CD70: variants seen among roughly 807,000 people sequenced by gnomAD.
The protein encoded by CD70 is CD70 molecule.
Under a neutral mutation model 9.0 loss-of-function variants are expected in CD70, and 6 were observed. The ratio of observed to expected loss-of-function variants is 0.67; its 90% CI spans 0.37 to 1.32. CD70 has a LOEUF of 1.32. Ranked by LOEUF, CD70 falls within the 40% of genes most tolerant of loss-of-function variation. The pLI is 0.02. For missense variants in CD70, 235 were observed against 258.7 expected (o/e 0.91, Z 0.63); for synonymous variants, 108 against 112.3 (o/e 0.96, Z 0.24).
intron 2 of CD70, among the ~76,000 whole-genome samples, chr19:6,587,487 TGAGA>T (rs988464730): frequency 3.3e-5 from 5 of 149,612 alleles, no homozygotes; most frequent in Non-Finnish European, 5.9e-5. Context: ...AGAGAGTGCC[TGAGA>T]GAGTGAGACA....
chr19:6,589,415 A>G (rs171093), intron 2 of CD70, among the ~76,000 whole-genome samples: 21,686 of 146,438 alleles, frequency 0.15, 1,552 homozygotes, highest in Middle Eastern at 0.17. Context: ...TATTTGACAG[A>G]ATCTCCCTCT....
At chr19:6,583,046 T>C (rs1915949030), downstream of CD70, 1 of 320,138 alleles carries the variant, frequency 3.1e-6, no homozygotes. Flanking sequence ...AGGGCTAGAT[T>C]TGTGAGGGCG....
downstream of CD70, among the ~76,000 whole-genome samples, chr19:6,585,254 G>A (rs1915991281): frequency 6.6e-6 from 1 of 151,974 alleles, no homozygotes; most frequent in African/African-American, 2.4e-5. Flanking sequence ...AACTCATTAG[G>A]TATTTTGCAT....
In CD70 at chr19:6,585,980, A is replaced by G; in HGVS notation, c.*40T>C. The G allele has an allele frequency of 6.8e-7, 1 of 1,470,992 alleles. No homozygotes were observed. Among genetic ancestry groups the G allele is most frequent in the Non-Finnish European group, 9.1e-7 (1 of 1,098,762 alleles). The allele number at this position is 1,470,992 out of a possible 1,614,324, so 91.1% of individuals were successfully genotyped here. A position where few individuals can be genotyped will look rare whatever the true frequency, so the allele number is the denominator to read the frequency against. On this transcript the variant is annotated 3_prime_UTR_variant, in exon 3 of 3. Coordinates refer to ENST00000245903, the MANE Select transcript of CD70 (RefSeq NM_001252.5). Reference sequence around the variant, plus strand: ...CACTTTTTCTCTTGAACTTAAATAAAATAAAATAAAATTTAAAAAACCCTA... The same window carrying G: ...CACTTTTTCTCTTGAACTTAAATAAGATAAAATAAAATTTAAAAAACCCTA...
At chr19:6,587,530 G>GAGACAGC (rs1916054724) in intron 2 of CD70, among the ~76,000 whole-genome samples, 2 of 152,126 alleles carry the variant, frequency 1.3e-5, no homozygotes, top group South Asian at 4.1e-4. Flanking sequence ...GCGTGCGCAC[G>GAGACAGC]AGACAGCGCG....
downstream of CD70, among the ~76,000 whole-genome samples, chr19:6,582,504 C>G (rs190720856): frequency 8.4e-4 from 127 of 151,512 alleles, 1 homozygote; most frequent in Non-Finnish European, 6.0e-4. Context: ...ATCCCTCCCC[C>G]CCTCCCCCGA....
At chr19:6,587,402 G>A (rs1187645544) in intron 2 of CD70, among the ~76,000 whole-genome samples, 1 of 152,014 alleles carries the variant, frequency 6.6e-6, no homozygotes, top group Non-Finnish European at 1.5e-5. Flanking sequence ...GAGTGAGCTC[G>A]AGAGAGTGCA....
At chr19:6,583,278 C>T (rs1339575431), downstream of CD70, 1 of 665,900 alleles carries the variant, frequency 1.5e-6, no homozygotes, top group Admixed American at 2.3e-5. Context: ...TGTTACAAAA[C>T]CAGTAACTTT....
At chr19:6,586,795 C>CA (rs1171777285) in intron 2 of CD70, among the ~76,000 whole-genome samples, 5 of 130,478 alleles carry the variant, frequency 3.8e-5, no homozygotes, top group East Asian at 4.6e-4. Context: ...AACCCTGTCT[C>CA]AAAAAAAAGG....
At position 6,585,877 on chromosome 19, in the gene CD70, G is replaced by C; in HGVS notation, c.*143C>G. On this transcript the variant is annotated 3_prime_UTR_variant, in exon 3 of 3. Transcript: ENST00000245903. Reference sequence around the variant, plus strand: ...TTTTAATAGGAAAATGAAAGAAAAAGCTCAATGCCTTCTCTTGTCCTGCCA... The same window carrying C: ...TTTTAATAGGAAAATGAAAGAAAAACCTCAATGCCTTCTCTTGTCCTGCCA... 2 of 595,246 alleles carry C rather than the reference G, an allele frequency of 3.4e-6. No individual in the cohort carries two copies. Among genetic ancestry groups the C allele is most frequent in the Non-Finnish European group, 2.9e-6 (1 of 341,956 alleles). The allele number at this position is 595,246 out of a possible 1,614,324, so 36.9% of individuals were successfully genotyped here.
downstream of CD70, among the ~76,000 whole-genome samples, chr19:6,583,672 TC>T (rs1203559858): frequency 6.6e-6 from 1 of 150,884 alleles, no homozygotes; most frequent in Non-Finnish European, 1.5e-5. Context: ...GAGTCTCCTG[TC>T]TCAGCCTCCC....
intron 2 of CD70, among the ~76,000 whole-genome samples, chr19:6,588,147 T>C (rs1916069703): frequency 6.6e-6 from 1 of 151,920 alleles, no homozygotes. Context: ...CTGAACGGGG[T>C]CAAACAGGAG....
rs765737694 is a variant in CD70 at position 6,590,920 on chromosome 19, G to A, written c.83C>T (p.Ala28Val). 2.5e-6 allele frequency: 4 copies of A among 1,614,094 alleles called. No homozygotes were observed. Among genetic ancestry groups the A allele is most frequent in the East Asian group, 2.2e-5 (1 of 44,862 alleles). Residue 28 changes from alanine to valine, a missense_variant, in exon 1 of 3, where the codon GCG becomes GTG. Ala to Val is a moderately conservative substitution (Grantham distance 64). Coordinates refer to ENST00000245903, the MANE Select transcript of CD70 (RefSeq NM_001252.5). This position sits in a 1 kb window ranked among gnomAD's most constrained non-coding sequence, Gnocchi z 5.3. ...CACCACGAGGCAGATCACCAAGCCC[G>A]CGACCAATGGGACCAAAGCAGCCCG... Reference protein sequence around the residue: ...VLRAALVPLVAGLVICLVVCI... With the variant: ...VLRAALVPLVVGLVICLVVCI...
In CD70 at chr19:6,590,943, C is replaced by T; in HGVS notation, c.60G>A (p.Arg20=). The T allele has an allele frequency of 1.2e-6, 2 of 1,614,056 alleles. No individual in the cohort carries two copies. The highest frequency in any genetic ancestry group is 1.7e-6 in the Non-Finnish European group (2 of 1,179,974). The stretch of plus-strand genomic sequence containing the variant: ...CCGCGACCAATGGGACCAAAGCAGC[C>T]CGCAGGACGCACCCATAGGGCCTGC... ...VRRRPYGCVL[R]AALVPLVAGL... The change falls in exon 1 of 3, where the codon CGG becomes CGA. Residue 20 remains arginine, a synonymous_variant. Transcript: ENST00000245903. This position sits in a 1 kb window ranked among gnomAD's most constrained non-coding sequence, Gnocchi z 5.3.
At chr19:6,588,606 C>T (rs569293106) in intron 2 of CD70, among the ~76,000 whole-genome samples, 39 of 152,260 alleles carry the variant, frequency 2.6e-4, no homozygotes, top group African/African-American at 9.1e-4. Flanking sequence ...TTTCTTCTCC[C>T]TCAAGGCTTC....
downstream of CD70, among the ~76,000 whole-genome samples, chr19:6,583,888 G>T (rs1915967021): frequency 6.7e-6 from 1 of 150,306 alleles, no homozygotes. Context: ...CACCTCCGGG[G>T]TTTAAGTGAC....
At chr19:6,587,494 G>C (rs1392617508) in intron 2 of CD70, among the ~76,000 whole-genome samples, 1 of 151,950 alleles carries the variant, frequency 6.6e-6, no homozygotes, top group East Asian at 1.9e-4. Flanking sequence ...GCCTGAGAGA[G>C]TGAGACAGAC....
chr19:6,584,335 C>A (rs1006950346), downstream of CD70, among the ~76,000 whole-genome samples: 4 of 149,562 alleles, frequency 2.7e-5, no homozygotes, highest in Non-Finnish European at 5.9e-5. Flanking sequence ...TGGTGAAGCC[C>A]GTCTCTACTA....
chr19:6,590,625 C>A lies in CD70; in HGVS notation c.162+216G>T, dbSNP rs1490534658. Among the ~76,000 whole-genome samples the A allele has an allele frequency of 6.6e-6, 1 of 152,182 alleles. No homozygotes were observed. The highest frequency in any genetic ancestry group is 6.5e-5 in the Admixed American group (1 of 15,290). Reference sequence around the variant, plus strand: ...ATCTTCCATTTCCATGTGTGCCTACCTTTCCCATCCCGGGATCTCCCTGTA... The same window carrying A: ...ATCTTCCATTTCCATGTGTGCCTACATTTCCCATCCCGGGATCTCCCTGTA... On this transcript the variant is annotated intron_variant, in intron 1 of 2. Transcript: ENST00000245903. The surrounding 1 kb of genome is among the most constrained non-coding windows in gnomAD (Gnocchi z 5.3).
Sources: gnomAD v4.1 joint callset for allele counts (sites outside exome capture counted in the v4.1 genomes callset) on GRCh38, gnomAD v4.1.1 for gene constraint, Gnocchi (gnomAD v3.1) non-coding constraint, MANE v1.5 for transcripts, NCBI Gene and HGNC (gene_info 2026-07-23, HGNC 2026-07-21) for gene names.